Variants in BEND2 observed in about 807,000 individuals in gnomAD.
BEND2 encodes BEN domain containing 2.
In BEND2, 19 loss-of-function variants were observed where a neutral mutation model predicts 43.8. The observed-to-expected ratio is 0.43, with a 90% CI of 0.30 to 0.64. BEND2 has a LOEUF of 0.64. Among genes scored for constraint, BEND2 ranks in the 30% least tolerant of loss-of-function variants. BEND2 has a pLI of 0.11. For synonymous variants in BEND2, 226 were observed against 210.1 expected, an observed-to-expected ratio of 1.08 and a Z score of -0.66; for missense variants, 544 against 574.0, an observed-to-expected ratio of 0.95 and a Z score of 0.53.
intron 11 of BEND2, among the ~76,000 whole-genome samples, chrX:18,174,774 T>C (rs375385513): frequency 9.1e-6 from 1 of 110,453 alleles, no homozygotes; most frequent in East Asian, 2.9e-4. Context: ...TTTAAAAGTG[T>C]CTCGTGTGAT....
intron 11 of BEND2, 127 bp downstream of exon 11, chrX:18,175,845 G>T: frequency 1.8e-6 from 1 of 556,093 alleles, no homozygotes; most frequent in Non-Finnish European, 2.6e-6. Context: ...AACATCCCAT[G>T]CCCCCTAAGT....
intron 4 of BEND2, among the ~76,000 whole-genome samples, chrX:18,211,471 C>T (rs1268589667): frequency 8.9e-6 from 1 of 112,076 alleles, no homozygotes; most frequent in Non-Finnish European, 1.9e-5. Context: ...AAACTGCAAA[C>T]AACCCAAATG....
rs1925253455 is a variant in BEND2 at position 18,203,914 on chromosome X, A to G, written c.494T>C (p.Val165Ala). 8.5e-7 allele frequency: 1 copy of G among 1,181,845 alleles called. No individual in the cohort carries two copies. Among genetic ancestry groups the G allele is most frequent in the Non-Finnish European group, 1.1e-6 (1 of 876,161 alleles). Reference sequence around the variant, plus strand: ...CGCTGGTGGTGATATGCTAGACTGTACCTATCCAGGGTAAGAGAACAGAAT... The same window carrying G: ...CGCTGGTGGTGATATGCTAGACTGTGCCTATCCAGGGTAAGAGAACAGAAT... ...PKRGRFYTPE[V>A]QSSISPPAER... is the part of the protein sequence containing the mutation. The change falls in exon 5 of 14, where the codon GTA becomes GCA. Residue 165 changes from valine to alanine, a missense_variant and splice_region_variant. By Grantham distance (64) the Val-to-Ala change is moderately conservative (BLOSUM62 0). Around this residue, in one of 2 missense-constraint regions of BEND2, gnomAD observed 501 missense variants for 501.6 expected, o/e 1.00. Transcript: ENST00000380033.
At position 18,212,598 on chromosome X, in the gene BEND2, ATCCACT is replaced by A. The variant is rs1296174053; in HGVS notation, c.453_458del (p.Glu151_Val152del). ...TATAGAATCTTCCTCTTTTTGGAAAATCCACTTCCTCTGAGTTGTAACTGTATCTTC... is the reference window on the plus strand; with the variant it reads ...TATAGAATCTTCCTCTTTTTGGAAAATCCTCTGAGTTGTAACTGTATCTTC... On this transcript the variant is annotated inframe_deletion, in exon 4 of 14. Transcript: ENST00000380033. The A allele has an allele frequency of 1.7e-6, 2 of 1,205,432 alleles. No individual in the cohort carries two copies. Among genetic ancestry groups the A allele is most frequent in the African/African-American group, 3.5e-5 (2 of 57,129 alleles).
At chrX:18,192,613 T>C (rs950701006) in intron 7 of BEND2, among the ~76,000 whole-genome samples, 1 of 112,286 alleles carries the variant, frequency 8.9e-6, no homozygotes, top group South Asian at 3.7e-4. Context: ...CCAAGAGAAA[T>C]CAAAACTTCT....
At position 18,188,975 on chromosome X, in the gene BEND2, T is replaced by C. The variant is rs1025997673; in HGVS notation, c.1288+2026A>G. Among the ~76,000 whole-genome samples, 281 of 107,293 alleles carry C rather than the reference T, an allele frequency of 2.6e-3. 1 individual carries two copies. The highest frequency in any genetic ancestry group is 9.4e-3 in the African/African-American group (276 of 29,299). The allele number at this position is 107,293 out of a possible 115,157, so 93.2% of individuals were successfully genotyped here. A position where few individuals can be genotyped will look rare whatever the true frequency, so the allele number is the denominator to read the frequency against. On this transcript the variant is annotated intron_variant, in intron 8 of 13. Transcript: ENST00000380033. ...CAGCACTTTGGGAGGCCGAGGCGGG[T>C]GGATTACGAGGTCAGGAGTTCGAGA...
chrX:18,165,977 T>C (rs747440822), intron 13 of BEND2, among the ~76,000 whole-genome samples: 2 of 112,137 alleles, frequency 1.8e-5, no homozygotes, highest in Non-Finnish European at 3.8e-5. Flanking sequence ...GGCTAATAAA[T>C]GAGGACAATG....
intron 13 of BEND2, among the ~76,000 whole-genome samples, chrX:18,166,652 C>T (rs1252346903): frequency 9.0e-6 from 1 of 111,009 alleles, no homozygotes; most frequent in Admixed American, 9.6e-5. Flanking sequence ...GCGCAGTGGC[C>T]AGGACGAACG....
In BEND2 at chrX:18,220,861, C is replaced by T; in HGVS notation, c.-111G>A. On this transcript the variant is annotated 5_prime_UTR_variant, in exon 1 of 14. Coordinates refer to ENST00000380033, the MANE Select transcript of BEND2 (RefSeq NM_153346.5). ...CTGCTTGGTAACTGTGTGGTAACTGCGTACACTCGTTGTCCGAGGCACAAT... is the reference window on the plus strand; with the variant it reads ...CTGCTTGGTAACTGTGTGGTAACTGTGTACACTCGTTGTCCGAGGCACAAT... 4.6e-6 allele frequency: 4 copies of T among 876,175 alleles called. No homozygotes were observed. The highest frequency in any genetic ancestry group is 3.3e-5 in the East Asian group (1 of 30,193). The allele number at this position is 876,175 out of a possible 1,213,427, so 72.2% of individuals were successfully genotyped here.
chrX:18,174,750 C>T (rs1484639876), intron 11 of BEND2, among the ~76,000 whole-genome samples: 1 of 110,727 alleles, frequency 9.0e-6, no homozygotes, highest in African/African-American at 3.3e-5. Flanking sequence ...GGAGCTCAGG[C>T]GTTAGTAACT....
chrX:18,195,564 A>C, intron 6 of BEND2, 122 bp from the exon 7 acceptor site: 1 of 675,178 alleles, frequency 1.5e-6, no homozygotes, highest in Non-Finnish European at 2.1e-6. Flanking sequence ...TCCCTAGCCG[A>C]CTTATCCATA....
intron 8 of BEND2, among the ~76,000 whole-genome samples, chrX:18,188,345 G>T (rs945236818): frequency 9.0e-6 from 1 of 110,536 alleles, no homozygotes; most frequent in African/African-American, 3.3e-5. Context: ...GTGTCTGTTG[G>T]TTGTGCACAT....
At chrX:18,194,373 AG>A (rs1181503154) in intron 7 of BEND2, among the ~76,000 whole-genome samples, 1 of 111,084 alleles carries the variant, frequency 9.0e-6, no homozygotes, top group East Asian at 2.8e-4. Context: ...AAAAATTGAA[AG>A]AAAAAACCAG....
intron 8 of BEND2, among the ~76,000 whole-genome samples, chrX:18,181,208 A>G (rs759224247): frequency 8.9e-6 from 1 of 111,923 alleles, no homozygotes; most frequent in Non-Finnish European, 1.9e-5. Flanking sequence ...AATTACAATT[A>G]CTATCATTGT....
Position 18,164,848 on chromosome X carries a change from T to C in BEND2, c.*161A>G. 8.1e-6 allele frequency: 4 copies of C among 495,860 alleles called. No homozygotes were observed. In the South Asian group the frequency reaches 1.4e-4, roughly 17 times the overall value. The allele number at this position is 495,860 out of a possible 1,213,427, so 40.9% of individuals were successfully genotyped here. ...ACATTACGTATCTTCCTAATGTGAT[T>C]CTACCTCCTTTATGAGCAGAAAAAG... On this transcript the variant is annotated 3_prime_UTR_variant, in exon 14 of 14. Transcript: ENST00000380033.
chrX:18,178,505 C>G (rs1924261212), intron 9 of BEND2, among the ~76,000 whole-genome samples: 1 of 111,711 alleles, frequency 9.0e-6, no homozygotes, highest in Non-Finnish European at 1.9e-5. Flanking sequence ...ATTCTTTTTC[C>G]TATTTATTTT....
At chrX:18,188,913 A>T (rs1924661097) in intron 8 of BEND2, among the ~76,000 whole-genome samples, 1 of 112,316 alleles carries the variant, frequency 8.9e-6, no homozygotes. Context: ...ATACATTAAA[A>T]AGATCAGCCG....
chrX:18,217,248 T>C (rs1466365246), intron 1 of BEND2, among the ~76,000 whole-genome samples: 1 of 112,867 alleles, frequency 8.9e-6, no homozygotes, highest in Non-Finnish European at 1.9e-5. Context: ...ATGACAAATA[T>C]ACCAGATGTG....
intron 1 of BEND2, among the ~76,000 whole-genome samples, chrX:18,219,792 G>A (rs970870877): frequency 7.2e-5 from 8 of 111,541 alleles, no homozygotes; most frequent in Non-Finnish European, 1.3e-4. Flanking sequence ...TGTAGTCTCC[G>A]CTCCTCAGGA....
Sources: gnomAD v4.1 joint callset for allele counts (sites outside exome capture counted in the v4.1 genomes callset) on GRCh38, gnomAD v4.1.1 for gene constraint, gnomAD v4.1.1 regional missense constraint, MANE v1.5 for transcripts, NCBI Gene and HGNC (gene_info 2026-07-23, HGNC 2026-07-21) for gene names.